Variants in CEP128 observed in about 807,000 individuals in gnomAD.
CEP128 encodes the protein centrosomal protein 128.
CEP128 carries 132 observed loss-of-function variants against 156.7 expected under a neutral mutation model. That is an observed-to-expected ratio of 0.84 (90% CI 0.73 to 0.97). CEP128 has a LOEUF of 0.97. CEP128 is among the 50% of genes least tolerant of loss of function. CEP128 has a pLI of 0.00. For synonymous variants in CEP128, 469 were observed against 448.9 expected (o/e 1.04, Z -0.57); for missense variants, 1,252 against 1,281.9 (o/e 0.98, Z 0.36).
chr14:80,551,105 T>A (rs1890191004), intron 21 of CEP128, among the ~76,000 whole-genome samples: 1 of 152,180 alleles, frequency 6.6e-6, no homozygotes, highest in South Asian at 2.1e-4. Context: ...TGATCTGTCA[T>A]CAAAATTAAT....
intron 8 of CEP128, among the ~76,000 whole-genome samples, chr14:80,894,400 G>A (rs1889245646): frequency 6.6e-6 from 1 of 151,858 alleles, no homozygotes; most frequent in African/African-American, 2.4e-5. Flanking sequence ...CGTACTGTGT[G>A]AACTACTGCA....
At chr14:80,628,989 T>A (rs113433352) in intron 19 of CEP128, among the ~76,000 whole-genome samples, 1 of 152,014 alleles carries the variant, frequency 6.6e-6, no homozygotes, top group Non-Finnish European at 1.5e-5. Context: ...TACATTTGTA[T>A]TTTTAGTTCC....
At chr14:80,587,132 CAAAAAAGGCCTATTAGT>C (rs1891853046) in intron 19 of CEP128, among the ~76,000 whole-genome samples, 1 of 151,494 alleles carries the variant, frequency 6.6e-6, no homozygotes, top group Admixed American at 6.6e-5. Flanking sequence ...AACAAACAAA[CAAAAAAGGCCTATTAGT>C]AAACTGCTTT....
intron 19 of CEP128, among the ~76,000 whole-genome samples, chr14:80,582,199 G>A (rs763567596): frequency 1.3e-5 from 2 of 152,158 alleles, no homozygotes; most frequent in Non-Finnish European, 2.9e-5. Flanking sequence ...ACTGAGATGG[G>A]AGCCCAACTA....
At chr14:80,655,819 A>T (rs1321916874) in intron 19 of CEP128, among the ~76,000 whole-genome samples, 2 of 152,178 alleles carry the variant, frequency 1.3e-5, no homozygotes, top group African/African-American at 2.4e-5. Flanking sequence ...ATAAAGCCAG[A>T]TCCCTGTTTA....
At chr14:80,931,770 G>A (rs1885481586) in intron 2 of CEP128, among the ~76,000 whole-genome samples, 1 of 152,142 alleles carries the variant, frequency 6.6e-6, no homozygotes, top group African/African-American at 2.4e-5. Flanking sequence ...GAATTATGGG[G>A]GCAACCAGTG....
chr14:80,904,920 AATG>A lies in CEP128; in HGVS notation c.370_372del (p.His124del). The A allele has an allele frequency of 1.9e-6, 3 of 1,577,490 alleles. No individual in the cohort carries two copies. In the South Asian group the frequency reaches 3.3e-5, roughly 17 times the overall value. On this transcript the variant is annotated inframe_deletion, in exon 6 of 25. Transcript: ENST00000555265. Reference sequence around the variant, plus strand: ...TCCTTGAGAGGTGAGGTAGGTGGAAAATGATGGAGCTCTTCACAAGTGAAAGAA... The same window carrying A: ...TCCTTGAGAGGTGAGGTAGGTGGAAAATGGAGCTCTTCACAAGTGAAAGAA...
chr14:80,945,715 A>C (rs950680250), upstream of CEP128: 1 of 152,264 alleles, frequency 6.6e-6, no homozygotes, highest in Non-Finnish European at 1.5e-5. Context: ...TGAGGCCGCC[A>C]TAGAGAGGTG....
chr14:80,690,246 A>C (rs1438184588), intron 19 of CEP128, among the ~76,000 whole-genome samples: 1 of 138,442 alleles, frequency 7.2e-6, no homozygotes, highest in African/African-American at 2.6e-5. Flanking sequence ...GTCTCTATTA[A>C]AAAAAAAAAA....
At chr14:80,941,377 C>T (rs955385867) in intron 1 of CEP128, among the ~76,000 whole-genome samples, 1 of 152,116 alleles carries the variant, frequency 6.6e-6, no homozygotes, top group African/African-American at 2.4e-5. Flanking sequence ...CGCGGACACC[C>T]CTGCCGAGGG....
At chr14:80,814,722 C>G (rs1566645854) in intron 13 of CEP128, among the ~76,000 whole-genome samples, 2 of 152,068 alleles carry the variant, frequency 1.3e-5, no homozygotes, top group African/African-American at 2.4e-5. Context: ...CTCAAAAGTA[C>G]AAGCAACAAA....
At chr14:80,723,953 T>A (rs1321774433) in intron 19 of CEP128, among the ~76,000 whole-genome samples, 6 of 152,162 alleles carry the variant, frequency 3.9e-5, no homozygotes, top group Non-Finnish European at 1.5e-5. Flanking sequence ...CAATCATCCA[T>A]CATCATAAAA....
At chr14:80,544,819 T>G (rs1889913877) in intron 21 of CEP128, among the ~76,000 whole-genome samples, 1 of 152,138 alleles carries the variant, frequency 6.6e-6, no homozygotes, top group South Asian at 2.1e-4. Context: ...AGCAAAATAC[T>G]TCAAGAATAT....
chr14:80,736,257 T>TAAAA (rs33965250), intron 19 of CEP128, among the ~76,000 whole-genome samples: 2 of 147,158 alleles, frequency 1.4e-5, no homozygotes, highest in Non-Finnish European at 1.5e-5. Context: ...TATAAGGTTT[T>TAAAA]AAAAAAAAAA....
rs1409137406 is a variant in CEP128 at position 80,631,278 on chromosome 14, A to G, written c.2807-50855T>C. ...GGCACAATATAAACATGATATAAAA[A>G]TTACATTGCCATCTAACTTTGAAAA... On this transcript the variant is annotated intron_variant, in intron 19 of 24. Coordinates refer to ENST00000555265, the MANE Select transcript of CEP128 (RefSeq NM_152446.5). Among the ~76,000 whole-genome samples the G allele has an allele frequency of 2.0e-5, 3 of 152,024 alleles. No homozygotes were observed. The East Asian group carries it at 5.8e-4, about 29-fold the overall frequency.
At chr14:80,594,493 C>T (rs1892227262) in intron 19 of CEP128, among the ~76,000 whole-genome samples, 1 of 152,122 alleles carries the variant, frequency 6.6e-6, no homozygotes, top group African/African-American at 2.4e-5. Flanking sequence ...AAACTAAGAG[C>T]TTCTGCACAG....
chr14:80,873,338 C>T (rs1888120594), intron 8 of CEP128, among the ~76,000 whole-genome samples: 1 of 152,186 alleles, frequency 6.6e-6, no homozygotes, highest in Non-Finnish European at 1.5e-5. Context: ...TAACTTTTTA[C>T]TCAGTGGCTA....
chr14:80,785,095 G>A lies in CEP128; in HGVS notation c.2011C>T (p.Gln671Ter). 5 of 1,614,142 alleles carry A rather than the reference G, an allele frequency of 3.1e-6. No individual in the cohort carries two copies. Among genetic ancestry groups the A allele is most frequent in the Non-Finnish European group, 4.2e-6 (5 of 1,179,990 alleles). The change falls in exon 15 of 25, where the codon CAG becomes TAG. Residue 671 changes from glutamine to a stop codon, truncating the protein, a stop_gained. Transcript: ENST00000555265. LOFTEE classifies it high-confidence loss of function. ...GTTTCTTCATCCCTGGATTTTGCCT[G>A]TGCAGTGAGGTCAGAAAGGTCCTTA... ...VLKDLSDLTAQAKSRDEETAT... is the reference protein window; with the variant it reads ...VLKDLSDLTA
At chr14:80,752,541 T>C (rs1267953786) in intron 18 of CEP128, among the ~76,000 whole-genome samples, 1 of 152,222 alleles carries the variant, frequency 6.6e-6, no homozygotes, top group East Asian at 1.9e-4. Context: ...TTTTCCATTC[T>C]ATATCAGAAG....
Sources: gnomAD v4.1 joint callset for allele counts (sites outside exome capture counted in the v4.1 genomes callset) on GRCh38, gnomAD v4.1.1 for gene constraint, MANE v1.5 for transcripts, NCBI Gene and HGNC (gene_info 2026-07-23, HGNC 2026-07-21) for gene names.